FANCI: variants seen among roughly 807,000 people sequenced by gnomAD.
The protein encoded by FANCI is FA complementation group I.
A neutral mutation model predicts 176.1 loss-of-function variants in FANCI; 156 were observed. That is an observed-to-expected ratio of 0.89 (90% CI 0.78 to 1.01). The LOEUF (loss-of-function observed/expected upper bound fraction) is 1.01. Ranked by LOEUF, FANCI falls within the 50% of genes least tolerant of loss-of-function variation. The pLI, the probability that FANCI is intolerant of heterozygous loss-of-function variation, is 0.00. For synonymous variants in FANCI, 613 were observed against 541.7 expected (o/e 1.13, Z -1.83); for missense variants, 1,678 against 1,534.1 (o/e 1.09, Z -1.57).
At chr15:89,284,692 A>G (rs1039032938) in intron 17 of FANCI, among the ~76,000 whole-genome samples, 1 of 152,214 alleles carries the variant, frequency 6.6e-6, no homozygotes, top group Non-Finnish European at 1.5e-5. Context: ...TCTAAACAAA[A>G]GACTGTCTTC....
chr15:89,260,674 G>A (rs1457984258), intron 3 of FANCI, 39 bp from the exon 4 acceptor site: 1 of 1,609,136 alleles, frequency 6.2e-7, no homozygotes, highest in Non-Finnish European at 8.5e-7. Context: ...TGTCAATGTT[G>A]TAAGACTTGT....
In FANCI at chr15:89,278,624, CATTG is replaced by C. The variant is rs2053494682; in HGVS notation, c.1294-60_1294-57del. 1.6e-5 allele frequency: 19 copies of C among 1,170,374 alleles called. No homozygotes were observed. In the South Asian group the frequency reaches 2.2e-4, roughly 14 times the overall value. The allele number at this position is 1,170,374 out of a possible 1,614,324, so 72.5% of individuals were successfully genotyped here. The stretch of plus-strand genomic sequence containing the variant: ...ACGGTTCTTCATGCTGCCTGACATG[CATTG>C]ATATACTTAAAAGCTGAAGGGTCAC... On this transcript the variant is annotated intron_variant, in intron 13 of 37. Coordinates refer to ENST00000310775, the MANE Select transcript of FANCI (RefSeq NM_001113378.2).
At chr15:89,248,588 T>C (rs1324903176) in intron 2 of FANCI, among the ~76,000 whole-genome samples, 1 of 152,172 alleles carries the variant, frequency 6.6e-6, no homozygotes, top group Non-Finnish European at 1.5e-5. Flanking sequence ...ACTTGTTGCA[T>C]GAGTTGTAAC....
At chr15:89,314,842 C>T (rs1226970963) in intron 36 of FANCI, 135 bp downstream of exon 36, 1 of 550,020 alleles carries the variant, frequency 1.8e-6, no homozygotes, top group Non-Finnish European at 3.2e-6. Flanking sequence ...CCTCTCCCCC[C>T]CCCCCCCTTT....
intron 34 of FANCI, among the ~76,000 whole-genome samples, chr15:89,311,108 A>G (rs915522086): frequency 2.0e-5 from 3 of 151,798 alleles, no homozygotes; most frequent in African/African-American, 7.3e-5. Context: ...AAAATACAAA[A>G]ATTAGCTGGG....
intron 14 of FANCI, 82 bp downstream of exon 14, chr15:89,278,856 A>T: frequency 1.9e-6 from 2 of 1,079,590 alleles, no homozygotes; most frequent in Non-Finnish European, 2.8e-6. Context: ...TGGGAAAAAA[A>T]TTTTAATGAG....
At chr15:89,308,193 T>C (rs2054802278) in intron 34 of FANCI, 2 of 1,028,104 alleles carry the variant, frequency 1.9e-6, no homozygotes, top group South Asian at 7.5e-5. Flanking sequence ...ACTATTGACA[T>C]GTTGCGCTAG....
chr15:89,268,371 G>A, intron 9 of FANCI, 28 bp from the exon 10 acceptor site: 1 of 1,613,694 alleles, frequency 6.2e-7, no homozygotes, highest in South Asian at 1.1e-5. Context: ...GCACCTTATA[G>A]CTCATAACTT....
intron 34 of FANCI, among the ~76,000 whole-genome samples, chr15:89,312,656 C>G (rs1245557878): frequency 6.6e-6 from 1 of 152,050 alleles, no homozygotes; most frequent in Non-Finnish European, 1.5e-5. Flanking sequence ...ACCGTCTCTA[C>G]TAAAAATACA....
rs567642604 is a variant in FANCI, at chr15:89,263,802, T to C, written c.546-101T>C. Reference sequence around the variant, plus strand: ...TGCTCCCAAGTTTCATTTCTTAAAATATGTTTAATGGAATTTTAACCACTG... The same window carrying C: ...TGCTCCCAAGTTTCATTTCTTAAAACATGTTTAATGGAATTTTAACCACTG... On this transcript the variant is annotated intron_variant, in intron 7 of 37. Transcript: ENST00000310775. The C allele has an allele frequency of 2.0e-4, 273 of 1,365,448 alleles. 1 individual carries two copies. The African/African-American group carries it at 3.6e-3, about 18-fold the overall frequency. The allele number at this position is 1,365,448 out of a possible 1,614,324, so 84.6% of individuals were successfully genotyped here.
chr15:89,306,320 C>T (rs1435154290), intron 32 of FANCI, 126 bp downstream of exon 32: 19 of 959,990 alleles, frequency 2.0e-5, no homozygotes, highest in Non-Finnish European at 2.9e-5. Context: ...TCCATCTTGG[C>T]AGGTCATGGT....
rs187580044 is a variant in FANCI at position 89,314,195 on chromosome 15, C to A, written c.3721-417C>A. ...AGGGGGAAAGACACACACACACACA[C>A]GTAGAACCTACAAATTACAATTCAC... On this transcript the variant is annotated intron_variant, in intron 35 of 37. Transcript: ENST00000310775. 1.5e-3 allele frequency among the ~76,000 whole-genome samples: 218 copies of A among 146,512 alleles called. 2 individuals carry two copies. The highest frequency in any genetic ancestry group is 5.2e-3 in the African/African-American group (195 of 37,632).
intron 35 of FANCI, 32 bp downstream of exon 35, chr15:89,313,004 C>T (rs769887767): frequency 6.2e-7 from 1 of 1,600,816 alleles, no homozygotes; most frequent in Non-Finnish European, 8.6e-7. Flanking sequence ...TTAAAATATG[C>T]TTGTTGGTGA....
At position 89,306,155 on chromosome 15, in the gene FANCI, G is replaced by T; in HGVS notation, c.3498G>T (p.Leu1166Phe). 1.2e-6 allele frequency: 2 copies of T among 1,614,166 alleles called. No individual in the cohort carries two copies. Among genetic ancestry groups the T allele is most frequent in the Non-Finnish European group, 8.5e-7 (1 of 1,180,028 alleles). The stretch of plus-strand genomic sequence containing the variant: ...GTGTGGACACCTTGTTAAAGGACTT[G>T]TGCAAAATGTACACCACACTTACAG... ...GSCVDTLLKD[L>F]CKMYTTLTAL... is the part of the protein sequence containing the mutation. The change falls in exon 32 of 38, where the codon TTG (leucine) becomes TTT (phenylalanine). Residue 1166 changes from leucine (L) to phenylalanine (F), a missense_variant. Transcript: ENST00000310775.
At chr15:89,298,511 A>G (rs1479232455) in intron 24 of FANCI, among the ~76,000 whole-genome samples, 5 of 152,258 alleles carry the variant, frequency 3.3e-5, no homozygotes, top group Non-Finnish European at 5.9e-5. Context: ...GCAGTTAGTG[A>G]TTTAAAAATC....
intron 20 of FANCI, 142 bp downstream of exon 20, chr15:89,291,856 T>C (rs1046048284): frequency 4.2e-6 from 3 of 711,242 alleles, no homozygotes; most frequent in Admixed American, 4.5e-5. Flanking sequence ...CTGCTTATCA[T>C]TTCTGAACCA....
chr15:89,294,370 A>G (rs1305222688), intron 23 of FANCI, among the ~76,000 whole-genome samples: 1 of 152,104 alleles, frequency 6.6e-6, no homozygotes. Context: ...GGATCACCTG[A>G]GGTCAAAAGT....
In FANCI at chr15:89,260,754, A is replaced by G. The variant is rs748834576; in HGVS notation, c.199A>G (p.Lys67Glu). The G allele has an allele frequency of 6.2e-7, 1 of 1,614,068 alleles. No homozygotes were observed. The highest frequency in any genetic ancestry group is 8.5e-7 in the Non-Finnish European group (1 of 1,179,948). ...GGAAGCTGGAACACTTAGGAGACGT[A>G]AGATATACACTTGTTGTATCCAGTT... Reference protein sequence around the residue: ...SEEAGTLRRRKIYTCCIQLVE... With the variant: ...SEEAGTLRRREIYTCCIQLVE... The change falls in exon 4 of 38, where the codon AAG (lysine) becomes GAG (glutamate). Residue 67 changes from lysine (K) to glutamate (E), a missense_variant. Lys to Glu is a moderately conservative substitution (Grantham distance 56). Transcript: ENST00000310775.
chr15:89,247,103 C>T (rs1394824876), intron 1 of FANCI, among the ~76,000 whole-genome samples: 73 of 149,362 alleles, frequency 4.9e-4, no homozygotes, highest in Non-Finnish European at 2.4e-4. Flanking sequence ...CAGGGTCTTA[C>T]CTTGTTGCCT....
Sources: gnomAD v4.1 joint callset for allele counts (sites outside exome capture counted in the v4.1 genomes callset) on GRCh38, gnomAD v4.1.1 for gene constraint, MANE v1.5 for transcripts, NCBI Gene and HGNC (gene_info 2026-07-23, HGNC 2026-07-21) for gene names.